The following ABCC1 variants were observed in gnomAD, a reference collection of about 807,000 sequenced individuals.
ABCC1 encodes ATP binding cassette subfamily C member 1 (ABCC1 blood group).
ABCC1 carries 83 observed loss-of-function variants against 172.9 expected under a neutral mutation model. The observed-to-expected ratio is 0.48, with a 90% CI of 0.40 to 0.58. The LOEUF (loss-of-function observed/expected upper bound fraction) is 0.58. Ranked by LOEUF, ABCC1 falls within the 20% of genes least tolerant of loss-of-function variation. ABCC1 has a pLI of 0.00. For missense variants in ABCC1, 1,817 were observed against 2,002.7 expected (o/e 0.91, Z 1.77); for synonymous variants, 937 against 825.2 (o/e 1.14, Z -2.32).
chr16:16,044,471 C>T lies in ABCC1; in HGVS notation c.831C>T (p.Tyr277=). The T allele has an allele frequency of 1.2e-6, 2 of 1,614,152 alleles. No individual in the cohort carries two copies. The highest frequency in any genetic ancestry group is 1.7e-6 in the Non-Finnish European group (2 of 1,180,010). Residue 277 remains tyrosine, a synonymous_variant, in exon 8 of 31, where the codon TAC becomes TAT. Coordinates refer to ENST00000399410, the MANE Select transcript of ABCC1 (RefSeq NM_004996.4). The part of the protein sequence containing the change: ...KTRKQPVKVV[Y]SSKDPAQPKE... ...CCAGGCAGCCGGTGAAGGTTGTGTA[C>T]TCCTCCAAGGATCCTGCCCAGCCGA...
chr16:16,105,059 C>G (rs1467084682), intron 20 of ABCC1, among the ~76,000 whole-genome samples: 1 of 152,186 alleles, frequency 6.6e-6, no homozygotes, highest in African/African-American at 2.4e-5. Flanking sequence ...CTTGGCCAGC[C>G]CAGAAAGGGG....
chr16:16,008,795 A>G (rs1056856231), intron 2 of ABCC1, among the ~76,000 whole-genome samples: 2 of 146,506 alleles, frequency 1.4e-5, no homozygotes, highest in African/African-American at 5.1e-5. Context: ...GTGAACTGAG[A>G]TAGTGCCACT....
At chr16:16,089,430 C>T (rs943372923) in intron 18 of ABCC1, among the ~76,000 whole-genome samples, 1 of 152,004 alleles carries the variant, frequency 6.6e-6, no homozygotes, top group Non-Finnish European at 1.5e-5. Context: ...TATCTGTAGT[C>T]CCAGCTACTT....
intron 9 of ABCC1, among the ~76,000 whole-genome samples, chr16:16,046,661 TTGAAC>T: frequency 6.6e-6 from 1 of 152,134 alleles, no homozygotes; most frequent in African/African-American, 2.4e-5. Context: ...CACTCTTAAT[TTGAAC>T]TGAGCAGGTG....
intron 27 of ABCC1, among the ~76,000 whole-genome samples, chr16:16,132,624 T>C (rs538388841): frequency 2.8e-5 from 4 of 143,264 alleles, no homozygotes; most frequent in East Asian, 2.2e-4. Context: ...TGGGTTCAAG[T>C]GATTCTCCTG....
At chr16:16,082,654 AT>A (rs2050850660) in intron 16 of ABCC1, among the ~76,000 whole-genome samples, 1 of 152,018 alleles carries the variant, frequency 6.6e-6, no homozygotes, top group Non-Finnish European at 1.5e-5. Context: ...CAGTCTTTTA[AT>A]TTTTTTGAGA....
intron 1 of ABCC1, among the ~76,000 whole-genome samples, chr16:16,003,192 G>A (rs922568358): frequency 6.6e-6 from 1 of 151,746 alleles, no homozygotes; most frequent in African/African-American, 2.4e-5. Context: ...TGGTAGGTGG[G>A]TAGGGTGGAT....
intron 28 of ABCC1, among the ~76,000 whole-genome samples, chr16:16,135,189 G>A (rs894011332): frequency 6.6e-6 from 1 of 152,116 alleles, no homozygotes; most frequent in African/African-American, 2.4e-5. Context: ...TTCGATTCAC[G>A]GGGTGCACCT....
intron 12 of ABCC1, among the ~76,000 whole-genome samples, chr16:16,057,140 G>A (rs2049690053): frequency 6.8e-6 from 1 of 147,390 alleles, no homozygotes; most frequent in Non-Finnish European, 1.5e-5. Flanking sequence ...CCAGGAGCTC[G>A]AGACCAGCCT....
intron 1 of ABCC1, among the ~76,000 whole-genome samples, chr16:15,999,710 C>A (rs1232761772): frequency 6.9e-6 from 1 of 145,876 alleles, no homozygotes; most frequent in Admixed American, 7.0e-5. Context: ...CAGCTGTCCT[C>A]CCATTTCGGT....
At chr16:16,036,395 G>A in intron 6 of ABCC1, 77 bp from the exon 7 acceptor site, 2 of 1,398,992 alleles carry the variant, frequency 1.4e-6, no homozygotes, top group East Asian at 2.3e-5. Flanking sequence ...GCAGGCGTGT[G>A]GAGTGAGTGA....
At chr16:16,098,693 G>A (rs531737473) in intron 19 of ABCC1, among the ~76,000 whole-genome samples, 15 of 152,310 alleles carry the variant, frequency 9.8e-5, no homozygotes, top group Admixed American at 8.5e-4. Context: ...TGCTTGTCCC[G>A]GATCCACCCA....
chr16:16,103,610 G>A (rs2051886288), intron 20 of ABCC1, among the ~76,000 whole-genome samples: 1 of 151,872 alleles, frequency 6.6e-6, no homozygotes. Context: ...AACAGCAGCA[G>A]CAGCAGAAAA....
At chr16:15,998,261 A>G (rs2047127024) in intron 1 of ABCC1, among the ~76,000 whole-genome samples, 1 of 152,052 alleles carries the variant, frequency 6.6e-6, no homozygotes, top group Non-Finnish European at 1.5e-5. Flanking sequence ...AGTAGGTGGG[A>G]CTACAGGCCT....
intron 27 of ABCC1, among the ~76,000 whole-genome samples, chr16:16,133,740 G>A (rs1223285399): frequency 6.6e-6 from 1 of 152,138 alleles, no homozygotes; most frequent in African/African-American, 2.4e-5. Flanking sequence ...CACGTCATGA[G>A]AATTTTTGCA....
chr16:16,042,151 G>T (rs115343186), intron 7 of ABCC1, among the ~76,000 whole-genome samples: 1 of 148,736 alleles, frequency 6.7e-6, no homozygotes, highest in Non-Finnish European at 1.5e-5. Context: ...AAATGCTTCT[G>T]TGACTCTGGA....
At chr16:15,968,914 T>C (rs1253265392) in intron 1 of ABCC1, among the ~76,000 whole-genome samples, 4 of 151,458 alleles carry the variant, frequency 2.6e-5, no homozygotes, top group African/African-American at 7.3e-5. Flanking sequence ...TTTTTTTGTA[T>C]TGAAAACAGT....
chr16:16,113,763 G>A (rs904032415), intron 22 of ABCC1, among the ~76,000 whole-genome samples: 26 of 152,190 alleles, frequency 1.7e-4, no homozygotes, highest in Non-Finnish European at 2.6e-4. Flanking sequence ...CTAAAACAGC[G>A]ATCCCTAGCC....
chr16:16,120,307 G>A (rs970567359), intron 23 of ABCC1, among the ~76,000 whole-genome samples: 5 of 152,130 alleles, frequency 3.3e-5, no homozygotes, highest in Non-Finnish European at 5.9e-5. Context: ...AGGAACCCCG[G>A]GCTCACCAGT....
Sources: gnomAD v4.1 joint callset for allele counts (sites outside exome capture counted in the v4.1 genomes callset) on GRCh38, gnomAD v4.1.1 for gene constraint, MANE v1.5 for transcripts, NCBI Gene and HGNC (gene_info 2026-07-23, HGNC 2026-07-21) for gene names.